Variants in NRCAM observed in about 807,000 individuals in gnomAD.
The protein encoded by NRCAM is NgCAM-related cell adhesion molecule.
In NRCAM, 83 loss-of-function variants were observed where a neutral mutation model predicts 156.5. The observed-to-expected ratio is 0.53, with a 90% confidence interval of 0.44 to 0.64. The LOEUF is 0.64. Among genes scored for constraint, NRCAM ranks in the 30% least tolerant of loss-of-function variants. The pLI, the probability that NRCAM is intolerant of heterozygous loss-of-function variation, is 0.00. For synonymous variants in NRCAM, 538 were observed against 563.9 expected, an observed-to-expected ratio of 0.95 and a Z score of 0.65; for missense variants, 1,417 against 1,597.3, an observed-to-expected ratio of 0.89 and a Z score of 1.92.
At chr7:108,344,410 C>T (rs1056754224) in intron 2 of NRCAM, among the ~76,000 whole-genome samples, 14 of 152,060 alleles carry the variant, frequency 9.2e-5, no homozygotes, top group African/African-American at 3.1e-4. Flanking sequence ...CCCAGGCATT[C>T]GAGCTGGCAA....
intron 3 of NRCAM, among the ~76,000 whole-genome samples, chr7:108,266,882 A>C (rs1269657): frequency 6.6e-6 from 1 of 152,154 alleles, no homozygotes; most frequent in Non-Finnish European, 1.5e-5. Flanking sequence ...TGTCAGTAAG[A>C]AGAAAGAGTC....
At chr7:108,382,758 T>A (rs2099707424) in intron 2 of NRCAM, among the ~76,000 whole-genome samples, 1 of 152,188 alleles carries the variant, frequency 6.6e-6, no homozygotes, top group African/African-American at 2.4e-5. Context: ...AAGTTTAGTA[T>A]CACTTTTCTT....
At chr7:108,368,224 A>ACCCCCCCCCCCCCCCCCCCCCCCCCTCC (rs67897117) in intron 2 of NRCAM, among the ~76,000 whole-genome samples, 1 of 91,058 alleles carries the variant, frequency 1.1e-5, no homozygotes, top group African/African-American at 4.0e-5. Context: ...ACACTTTCAT[A>ACCCCCCCCCCCCCCCCCCCCCCCCCTCC]CCCCCCCCCA....
chr7:108,285,129 C>T (rs1291571601), intron 3 of NRCAM, among the ~76,000 whole-genome samples: 1 of 152,214 alleles, frequency 6.6e-6, no homozygotes, highest in Non-Finnish European at 1.5e-5. Context: ...CATCTGAGCT[C>T]TAAGTCCACC....
At chr7:108,349,111 A>C (rs560361953) in intron 2 of NRCAM, among the ~76,000 whole-genome samples, 6 of 152,246 alleles carry the variant, frequency 3.9e-5, no homozygotes, top group African/African-American at 1.2e-4. Flanking sequence ...TGAGTAATAG[A>C]GTGTGACTAC....
chr7:108,434,644 A>T (rs1012207950), intron 1 of NRCAM, among the ~76,000 whole-genome samples: 1 of 152,078 alleles, frequency 6.6e-6, no homozygotes, highest in Non-Finnish European at 1.5e-5. Context: ...TAAAGTTTGA[A>T]TGTACTCTCC....
chr7:108,261,570 ATCT>A (rs2096889286), intron 3 of NRCAM, among the ~76,000 whole-genome samples: 1 of 152,158 alleles, frequency 6.6e-6, no homozygotes, highest in Admixed American at 6.5e-5. Flanking sequence ...TTATTTTAGC[ATCT>A]TCTTTCCAGG....
At chr7:108,357,733 G>C (rs977639247) in intron 2 of NRCAM, among the ~76,000 whole-genome samples, 1 of 152,166 alleles carries the variant, frequency 6.6e-6, no homozygotes, top group Non-Finnish European at 1.5e-5. Flanking sequence ...GAGTGGAAAG[G>C]CTCATTGTTT....
At chr7:108,396,742 A>T (rs1029140364) in intron 2 of NRCAM, among the ~76,000 whole-genome samples, 1 of 152,206 alleles carries the variant, frequency 6.6e-6, no homozygotes, top group Non-Finnish European at 1.5e-5. Context: ...GTATGAATTT[A>T]AAAATGAACA....
At chr7:108,311,511 C>G (rs2098802925) in intron 3 of NRCAM, among the ~76,000 whole-genome samples, 2 of 152,146 alleles carry the variant, frequency 1.3e-5, no homozygotes, top group African/African-American at 4.8e-5. Context: ...GTCATAATTA[C>G]CTAACATCAA....
At chr7:108,259,780 G>A (rs2096823601) in intron 3 of NRCAM, among the ~76,000 whole-genome samples, 1 of 152,198 alleles carries the variant, frequency 6.6e-6, no homozygotes, top group Non-Finnish European at 1.5e-5. Context: ...ACTTATAAGT[G>A]GGAGCTGAAC....
At chr7:108,183,031 T>A in intron 22 of NRCAM, 111 bp from the exon 23 acceptor site, 1 of 861,778 alleles carries the variant, frequency 1.2e-6, no homozygotes, top group Non-Finnish European at 1.8e-6. Context: ...ATTGAAATAC[T>A]AAAACACAAG....
intron 3 of NRCAM, among the ~76,000 whole-genome samples, chr7:108,255,723 C>T (rs971390332): frequency 3.3e-5 from 5 of 150,520 alleles, no homozygotes; most frequent in South Asian, 4.2e-4. Flanking sequence ...ATGTGAGGAG[C>T]GCCTCTGCCC....
chr7:108,456,485 C>G (rs952957073), upstream of NRCAM: 2 of 151,808 alleles, frequency 1.3e-5, no homozygotes, highest in Non-Finnish European at 1.5e-5. Flanking sequence ...CTCCGCTCCC[C>G]CTCCCCGCGC....
intron 29 of NRCAM, among the ~76,000 whole-genome samples, chr7:108,167,926 GA>G (rs1013646415): frequency 1.3e-5 from 2 of 149,696 alleles, no homozygotes; most frequent in African/African-American, 2.4e-5. Context: ...GATCCAATTT[GA>G]AAAAAAAACC....
intron 28 of NRCAM, among the ~76,000 whole-genome samples, chr7:108,172,093 T>C (rs1333049826): frequency 6.6e-6 from 1 of 152,178 alleles, no homozygotes; most frequent in East Asian, 1.9e-4. Context: ...GTATTCCAAC[T>C]AATTACCCTA....
rs572749146 is a variant in NRCAM, at chr7:108,266,182, C to T, written c.-106-26012G>A. Among the ~76,000 whole-genome samples the T allele has an allele frequency of 1.9e-4, 29 of 152,264 alleles. No individual in the cohort carries two copies. The South Asian group carries it at 6.0e-3, about 32-fold the overall frequency. The stretch of plus-strand genomic sequence containing the variant: ...TCATTGTTTTGGATGAGGCTTTATG[C>T]TTCTCAAAGCAGTGAGATAACAGAT... On this transcript the variant is annotated intron_variant, in intron 3 of 32. Transcript: ENST00000379028.
In NRCAM at chr7:108,425,358, C is replaced by G. The variant is rs1410580308; in HGVS notation, c.-331-25765G>C. On this transcript the variant is annotated intron_variant, in intron 1 of 32. Coordinates refer to ENST00000379028, the MANE Select transcript of NRCAM (RefSeq NM_001037132.4). ...TCCCAATATACATGGAGACTGACACCCCTGCACAATACTAAATCCCAAAGA... is the reference window on the plus strand; with the variant it reads ...TCCCAATATACATGGAGACTGACACGCCTGCACAATACTAAATCCCAAAGA... Among the ~76,000 whole-genome samples, 4 of 152,132 alleles carry G rather than the reference C, an allele frequency of 2.6e-5. No homozygotes were observed. In the East Asian group the frequency reaches 7.7e-4, roughly 29 times the overall value.
At chr7:108,187,793 T>C (rs372405800) in intron 20 of NRCAM, among the ~76,000 whole-genome samples, 1 of 149,706 alleles carries the variant, frequency 6.7e-6, no homozygotes, top group East Asian at 2.0e-4. Flanking sequence ...CTACTAAAAA[T>C]ACAAAAAAAA....
Sources: allele counts gnomAD v4.1 joint callset (sites outside exome capture counted in the v4.1 genomes callset), GRCh38; gene constraint gnomAD v4.1.1; transcripts MANE v1.5; gene names NCBI Gene and HGNC (gene_info 2026-07-23, HGNC 2026-07-21).